The following ZNF827 variants were observed in gnomAD, a reference collection of about 807,000 sequenced individuals.
ZNF827 encodes zinc finger protein 827.
Under a neutral mutation model 102.4 loss-of-function variants are expected in ZNF827, and 13 were observed. That is an observed-to-expected ratio of 0.13 (90% confidence interval 0.08 to 0.20). ZNF827 has a LOEUF of 0.20. ZNF827 is among the 10% of genes least tolerant of loss of function. ZNF827 has a pLI of 1.00. For missense variants in ZNF827, 1,103 were observed against 1,344.4 expected, an observed-to-expected ratio of 0.82 and a Z score of 2.81; for synonymous variants, 523 against 536.2, an observed-to-expected ratio of 0.98 and a Z score of 0.34.
intron 8 of ZNF827, among the ~76,000 whole-genome samples, chr4:145,812,539 A>ATTTT (rs1553989714): frequency 9.5e-6 from 1 of 105,430 alleles, no homozygotes; most frequent in African/African-American, 3.0e-5. Context: ...TTATTTATTT[A>ATTTT]TTTTTTGAGA....
At chr4:145,769,134 G>A (rs775584367) in intron 11 of ZNF827, among the ~76,000 whole-genome samples, 1 of 151,716 alleles carries the variant, frequency 6.6e-6, no homozygotes, top group Admixed American at 6.6e-5. Flanking sequence ...GTCCAGGGCA[G>A]ACAACTCTTA....
intron 5 of ZNF827, among the ~76,000 whole-genome samples, chr4:145,856,214 T>G (rs897581926): frequency 2.6e-5 from 4 of 152,126 alleles, no homozygotes; most frequent in Non-Finnish European, 4.4e-5. Flanking sequence ...CAGGCTGGTC[T>G]CAAACTCCTG....
At chr4:145,779,695 C>T (rs1317311392) in intron 8 of ZNF827, among the ~76,000 whole-genome samples, 184 bp from the exon 9 acceptor site, 2 of 152,206 alleles carry the variant, frequency 1.3e-5, no homozygotes, top group African/African-American at 2.4e-5. Flanking sequence ...TTGAAAGCTG[C>T]GGTGGCAAGT....
intron 8 of ZNF827, among the ~76,000 whole-genome samples, chr4:145,790,937 C>T (rs1409466665): frequency 1.3e-5 from 2 of 152,216 alleles, no homozygotes; most frequent in African/African-American, 4.8e-5. Context: ...ACAGTGGTCA[C>T]AAATATTTTT....
chr4:145,817,118 A>G (rs1158078149), intron 8 of ZNF827, among the ~76,000 whole-genome samples: 1 of 152,226 alleles, frequency 6.6e-6, no homozygotes, highest in Non-Finnish European at 1.5e-5. Flanking sequence ...GAGTAATCAG[A>G]TAAAGAAAGA....
intron 7 of ZNF827, among the ~76,000 whole-genome samples, chr4:145,836,894 C>A (rs367699903): frequency 4.6e-5 from 7 of 152,082 alleles, no homozygotes; most frequent in African/African-American, 1.7e-4. Context: ...TTCTGCTACT[C>A]CTCAGGGATT....
At chr4:145,863,721 G>A (rs950086197) in intron 5 of ZNF827, among the ~76,000 whole-genome samples, 3 of 145,492 alleles carry the variant, frequency 2.1e-5, no homozygotes, top group Admixed American at 7.1e-5. Context: ...TTGCCTGGGT[G>A]GGGGGTGGAG....
rs897366126 is a variant in ZNF827, at chr4:145,763,587, G to C, written c.3231-465C>G. Among the ~76,000 whole-genome samples, 1 of 152,216 alleles carries C rather than the reference G, an allele frequency of 6.6e-6. No individual in the cohort carries two copies. The highest frequency in any genetic ancestry group is 1.5e-5 in the Non-Finnish European group (1 of 68,036). On this transcript the variant is annotated intron_variant, in intron 13 of 14. Coordinates refer to ENST00000508784, the MANE Select transcript of ZNF827 (RefSeq NM_001306215.2). This position sits in a 1 kb window ranked among gnomAD's most constrained non-coding sequence, Gnocchi z 4.6. ...GGCTGGGGACTTTGGAGGTCCCTGA[G>C]GAAAGGCGAACTGGCAAAGCCACAA...
At chr4:145,903,965 A>C (rs1269141743) in intron 1 of ZNF827, among the ~76,000 whole-genome samples, 2 of 152,140 alleles carry the variant, frequency 1.3e-5, no homozygotes, top group African/African-American at 4.8e-5. Context: ...TCCAGTCATC[A>C]ACATGCTTGC....
At chr4:145,875,534 A>T (rs1749082808) in intron 4 of ZNF827, among the ~76,000 whole-genome samples, 1 of 152,230 alleles carries the variant, frequency 6.6e-6, no homozygotes, top group East Asian at 1.9e-4. Context: ...TTTTGTCTGA[A>T]GAAAAGGGAC....
intron 1 of ZNF827, among the ~76,000 whole-genome samples, chr4:145,921,937 T>A (rs1326453729): frequency 1.3e-5 from 2 of 152,176 alleles, no homozygotes; most frequent in African/African-American, 4.8e-5. Flanking sequence ...GATACATACA[T>A]ATTTACAAGA....
At chr4:145,806,984 C>T (rs1340973162) in intron 8 of ZNF827, among the ~76,000 whole-genome samples, 1 of 152,208 alleles carries the variant, frequency 6.6e-6, no homozygotes, top group Non-Finnish European at 1.5e-5. Flanking sequence ...CACCCTCAAA[C>T]TTCAATCATT....
intron 3 of ZNF827, 113 bp downstream of exon 3, chr4:145,892,130 T>C: frequency 1.0e-6 from 1 of 993,778 alleles, no homozygotes. Context: ...GTCATCCGCA[T>C]GTTTCATCAG....
At chr4:145,807,800 C>CA (rs199536341) in intron 8 of ZNF827, among the ~76,000 whole-genome samples, 8,750 of 136,466 alleles carry the variant, frequency 0.064, 554 homozygotes, top group East Asian at 0.27. Context: ...AAAACAAAAA[C>CA]AAAAAAAAAA....
In ZNF827 at chr4:145,765,496, G is replaced by A. The variant is rs555437405; in HGVS notation, c.3052+51C>T. 5 of 1,552,368 alleles carry A rather than the reference G, an allele frequency of 3.2e-6. No individual in the cohort carries two copies. The highest frequency in any genetic ancestry group is 4.3e-6 in the Non-Finnish European group (5 of 1,150,468). Reference sequence around the variant, plus strand: ...GTGCAGGGCTTATTCTCAAGAATGGGTCATCCTGGGTGCGGAGGGTTGAGC... The same window carrying A: ...GTGCAGGGCTTATTCTCAAGAATGGATCATCCTGGGTGCGGAGGGTTGAGC... On this transcript the variant is annotated intron_variant, in intron 12 of 14. Transcript: ENST00000508784. This position sits in a 1 kb window ranked among gnomAD's most constrained non-coding sequence, Gnocchi z 4.7.
intron 7 of ZNF827, among the ~76,000 whole-genome samples, chr4:145,828,029 T>A (rs985378033): frequency 3.3e-5 from 5 of 152,220 alleles, no homozygotes; most frequent in Non-Finnish European, 5.9e-5. Context: ...TCAGTGACTG[T>A]CACTGTTGGC....
intron 3 of ZNF827, among the ~76,000 whole-genome samples, chr4:145,889,651 T>G (rs1360582070): frequency 6.6e-6 from 1 of 150,942 alleles, no homozygotes; most frequent in African/African-American, 2.4e-5. Context: ...CCTCCCGTAC[T>G]GACCCCACTT....
intron 1 of ZNF827, 66 bp downstream of exon 1, chr4:145,938,299 G>A: frequency 1.3e-6 from 2 of 1,584,684 alleles, no homozygotes; most frequent in Non-Finnish European, 8.7e-7. Flanking sequence ...AGGAGGCTGC[G>A]GAGGGGAAAG....
chr4:145,775,757 A>G, intron 10 of ZNF827, 32 bp downstream of exon 10: 1 of 1,612,614 alleles, frequency 6.2e-7, no homozygotes, highest in Non-Finnish European at 8.5e-7. Flanking sequence ...AGTCTGAGAA[A>G]GGCGGACTAG....
Sources: gnomAD v4.1 joint callset for allele counts (sites outside exome capture counted in the v4.1 genomes callset) on GRCh38, gnomAD v4.1.1 for gene constraint, Gnocchi (gnomAD v3.1) non-coding constraint, MANE v1.5 for transcripts, NCBI Gene and HGNC (gene_info 2026-07-23, HGNC 2026-07-21) for gene names.